Variants in GRK3 observed in about 807,000 individuals in gnomAD.
GRK3 encodes adrenergic, beta, receptor kinase 2.
A neutral mutation model predicts 95.7 loss-of-function variants in GRK3; 54 were observed. The observed-to-expected ratio is 0.56, with a 90% CI of 0.45 to 0.71. The LOEUF is 0.71. Among genes scored for constraint, GRK3 ranks in the 30% least tolerant of loss-of-function variants. The pLI is 0.00. For synonymous variants in GRK3, 281 were observed against 290.8 expected, an observed-to-expected ratio of 0.97 and a Z score of 0.34; for missense variants, 649 against 851.2, an observed-to-expected ratio of 0.76 and a Z score of 2.96.
chr22:25,565,303 G>A (rs1569145537), intron 1 of GRK3, 150 bp downstream of exon 1: 2 of 432,998 alleles, frequency 4.6e-6, no homozygotes, highest in Non-Finnish European at 8.2e-6. Flanking sequence ...CGGCCTCGTC[G>A]TTCCAGTCTC....
Position 25,711,674 on chromosome 22 carries a change from A to T in GRK3, c.1491+511A>T, listed in dbSNP as rs564462985. 3.9e-5 allele frequency among the ~76,000 whole-genome samples: 6 copies of T among 152,136 alleles called. 1 individual carries two copies. Among genetic ancestry groups the T allele is most frequent in the African/African-American group, 1.4e-4 (6 of 41,500 alleles). ...TTCCCCCAAGTAGAGACAAGACATA[A>T]TTAGAGATGGTGAGTCATGAGAGAA... On this transcript the variant is annotated intron_variant, in intron 17 of 20. Coordinates refer to ENST00000324198, the MANE Select transcript of GRK3 (RefSeq NM_005160.4).
intron 2 of GRK3, among the ~76,000 whole-genome samples, chr22:25,616,042 G>A (rs2084535439): frequency 6.6e-6 from 1 of 150,386 alleles, no homozygotes; most frequent in Admixed American, 6.6e-5. Context: ...GGTGGAGAGT[G>A]GCCAGGCCCT....
At chr22:25,620,552 A>G (rs1204043865) in intron 2 of GRK3, among the ~76,000 whole-genome samples, 1 of 152,174 alleles carries the variant, frequency 6.6e-6, no homozygotes, top group African/African-American at 2.4e-5. Flanking sequence ...AAACTTCCCA[A>G]AACTTTTCCT....
At chr22:25,688,033 A>C (rs59923991) in intron 11 of GRK3, among the ~76,000 whole-genome samples, 30 of 152,200 alleles carry the variant, frequency 2.0e-4, no homozygotes, top group African/African-American at 5.8e-4. Context: ...TCAGGAGATC[A>C]AGGCCATCCT....
chr22:25,623,585 A>G (rs2084603773), intron 2 of GRK3, among the ~76,000 whole-genome samples: 1 of 152,194 alleles, frequency 6.6e-6, no homozygotes, highest in Non-Finnish European at 1.5e-5. Context: ...ATACCTCACT[A>G]ATTATCTCCT....
chr22:25,643,002 G>A (rs1475157638), intron 2 of GRK3, among the ~76,000 whole-genome samples: 1 of 152,132 alleles, frequency 6.6e-6, no homozygotes, highest in African/African-American at 2.4e-5. Flanking sequence ...GAAAATCAGT[G>A]TCTGAAAAAT....
Position 25,726,542 on chromosome 22 carries a change from C to A in GRK3, c.*4092C>A, listed in dbSNP as rs1406589129. On this transcript the variant is annotated 3_prime_UTR_variant, in exon 21 of 21. Coordinates refer to ENST00000324198, the MANE Select transcript of GRK3 (RefSeq NM_005160.4). Reference sequence around the variant, plus strand: ...TTGTTGGGAGATGATTTGGGCTTCACTGGGATCTGTGACAGGTGGGGGCTG... The same window carrying A: ...TTGTTGGGAGATGATTTGGGCTTCAATGGGATCTGTGACAGGTGGGGGCTG... 2 of 152,164 alleles carry A rather than the reference C, an allele frequency of 1.3e-5. No homozygotes were observed. The highest frequency in any genetic ancestry group is 2.9e-5 in the Non-Finnish European group (2 of 68,056). The allele number at this position is 152,164 out of a possible 1,614,324, so 9.4% of individuals were successfully genotyped here. A position where few individuals can be genotyped will look rare whatever the true frequency, so the allele number is the denominator to read the frequency against.
intron 3 of GRK3, among the ~76,000 whole-genome samples, chr22:25,649,893 G>C (rs900152102): frequency 2.6e-5 from 4 of 152,040 alleles, no homozygotes; most frequent in Non-Finnish European, 4.4e-5. Flanking sequence ...GAACTGAAAA[G>C]TAGAATAAGA....
Position 25,722,555 on chromosome 22 carries a change from A to G in GRK3, c.*105A>G. 2 of 1,253,544 alleles carry G rather than the reference A, an allele frequency of 1.6e-6. No individual in the cohort carries two copies. The highest frequency in any genetic ancestry group is 2.2e-6 in the Non-Finnish European group (2 of 903,354). 77.7% of individuals were successfully genotyped at this position (1,253,544 alleles called of 1,614,324 possible). A position where few individuals can be genotyped will look rare whatever the true frequency, so the allele number is the denominator to read the frequency against. On this transcript the variant is annotated 3_prime_UTR_variant, in exon 21 of 21. Coordinates refer to ENST00000324198, the MANE Select transcript of GRK3 (RefSeq NM_005160.4). ...ATCTATTCGCTACCGGGACTCCTCC[A>G]GGCTCCCGAGAGGAGTCGGGACCCT...
chr22:25,608,367 T>C (rs140065871), intron 2 of GRK3, among the ~76,000 whole-genome samples: 39 of 151,390 alleles, frequency 2.6e-4, no homozygotes, highest in East Asian at 2.2e-3. Context: ...ATTAGAAAGG[T>C]ACGTGTTCAT....
chr22:25,624,000 G>A (rs767326919), intron 2 of GRK3, among the ~76,000 whole-genome samples: 2 of 152,192 alleles, frequency 1.3e-5, no homozygotes, highest in African/African-American at 2.4e-5. Context: ...TTATCCGGCA[G>A]TCTGAAAACA....
rs1040971985 is a variant in GRK3, at chr22:25,564,910, C to T, written c.-131C>T. 2 of 133,200 alleles carry T rather than the reference C, an allele frequency of 1.5e-5. No homozygotes were observed. Among genetic ancestry groups the T allele is most frequent in the Admixed American group, 7.4e-5 (1 of 13,512 alleles). The allele number at this position is 133,200 out of a possible 1,614,324, so 8.3% of individuals were successfully genotyped here. ...TGGGGCGCGCGGCGCGCGCGCGGGG[C>T]GGGGGCGCGCGGAGGGGGGGGCTGC... On this transcript the variant is annotated 5_prime_UTR_variant, in exon 1 of 21. Coordinates refer to ENST00000324198, the MANE Select transcript of GRK3 (RefSeq NM_005160.4).
intron 11 of GRK3, among the ~76,000 whole-genome samples, chr22:25,688,253 A>G (rs961617769): frequency 2.0e-5 from 3 of 151,908 alleles, no homozygotes; most frequent in Admixed American, 6.6e-5. Context: ...AAAAAAAAAA[A>G]AAAGCAGTTT....
chr22:25,693,681 C>T (rs751719890), intron 12 of GRK3, among the ~76,000 whole-genome samples: 3 of 152,094 alleles, frequency 2.0e-5, no homozygotes, highest in Non-Finnish European at 2.9e-5. Context: ...ACAGAGAGTA[C>T]CAGACCCATG....
At chr22:25,667,200 C>A (rs2084947762) in intron 5 of GRK3, among the ~76,000 whole-genome samples, 1 of 152,002 alleles carries the variant, frequency 6.6e-6, no homozygotes, top group South Asian at 2.1e-4. Flanking sequence ...GATAGAAAAT[C>A]AATAAATAAA....
intron 2 of GRK3, among the ~76,000 whole-genome samples, chr22:25,608,764 A>C (rs2084472316): frequency 6.6e-6 from 1 of 152,160 alleles, no homozygotes; most frequent in African/African-American, 2.4e-5. Flanking sequence ...GCTGACCGAC[A>C]CCTTGAATTT....
chr22:25,652,614 A>G lies in GRK3; in HGVS notation c.264+7949A>G, dbSNP rs1277232275. On this transcript the variant is annotated intron_variant, in intron 3 of 20. Transcript: ENST00000324198. ...GTAAGTAATAATTTTAGTATAAGTAATAATTTCCATTGGATTGTAATCAGT... is the reference window on the plus strand; with the variant it reads ...GTAAGTAATAATTTTAGTATAAGTAGTAATTTCCATTGGATTGTAATCAGT... Among the ~76,000 whole-genome samples, 3 of 152,188 alleles carry G rather than the reference A, an allele frequency of 2.0e-5. No individual in the cohort carries two copies. In the East Asian group the frequency reaches 5.8e-4, roughly 29 times the overall value.
intron 13 of GRK3, among the ~76,000 whole-genome samples, chr22:25,702,114 C>T (rs2146453369): frequency 2.0e-5 from 3 of 150,366 alleles, no homozygotes; most frequent in South Asian, 4.2e-4. Context: ...CAAATTAATG[C>T]TTTTAAGAGA....
At chr22:25,665,633 G>A (rs546436919) in intron 5 of GRK3, among the ~76,000 whole-genome samples, 1 of 152,034 alleles carries the variant, frequency 6.6e-6, no homozygotes, top group Non-Finnish European at 1.5e-5. Flanking sequence ...TATTTCAGAG[G>A]TGAAGAAAAT....
Sources: gnomAD v4.1 joint callset for allele counts (sites outside exome capture counted in the v4.1 genomes callset) on GRCh38, gnomAD v4.1.1 for gene constraint, MANE v1.5 for transcripts, NCBI Gene and HGNC (gene_info 2026-07-23, HGNC 2026-07-21) for gene names.